The following XKR6 variants were observed in gnomAD, a reference collection of about 807,000 sequenced individuals.
XKR6 encodes the protein XK-related protein 6.
In XKR6, 22 loss-of-function variants were observed where a neutral mutation model predicts 56.7. The observed-to-expected ratio is 0.39, with a 90% CI of 0.28 to 0.55. The LOEUF (loss-of-function observed/expected upper bound fraction) is 0.55, where lower values mean the gene tolerates loss of function less well. XKR6 is among the 20% of genes least tolerant of loss of function. The probability of loss-of-function intolerance (pLI) is 0.66; values close to 1 mark genes in which losing one functional copy is unlikely to be tolerated. For missense variants in XKR6, 852 were observed against 889.0 expected (o/e 0.96, Z 0.53); for synonymous variants, 524 against 387.8 (o/e 1.35, Z -4.13).
chr8:11,115,432 T>G (rs1385364394), intron 1 of XKR6, among the ~76,000 whole-genome samples: 2 of 152,226 alleles, frequency 1.3e-5, no homozygotes, highest in African/African-American at 2.4e-5. Flanking sequence ...GCTAAAGTTA[T>G]ATTTAAAGAA....
intron 1 of XKR6, among the ~76,000 whole-genome samples, chr8:11,060,732 G>T (rs1437119811): frequency 6.6e-6 from 1 of 152,170 alleles, no homozygotes; most frequent in Non-Finnish European, 1.5e-5. Flanking sequence ...TGCTGAGTTT[G>T]GTGTTTCTCT....
chr8:11,089,097 C>T (rs1002196025), intron 1 of XKR6, among the ~76,000 whole-genome samples: 23 of 152,262 alleles, frequency 1.5e-4, no homozygotes, highest in African/African-American at 5.3e-4. Flanking sequence ...AAGCATAGGA[C>T]GTGACCTGGG....
chr8:11,087,335 T>A (rs1314633063), intron 1 of XKR6, among the ~76,000 whole-genome samples: 1 of 152,208 alleles, frequency 6.6e-6, no homozygotes, highest in Non-Finnish European at 1.5e-5. Flanking sequence ...ACCCTGATCC[T>A]GATTCCTTTC....
rs1274621292 is a variant in XKR6, at chr8:10,991,632, T to TA, written c.765-66803dup. ...TTCCAGGCGAAGTGTAACCCAGGTT[T>TA]AAGCAGGGTTTTCTGTGGACTTGAG... On this transcript the variant is annotated intron_variant, in intron 1 of 2. Coordinates refer to ENST00000416569, the MANE Select transcript of XKR6 (RefSeq NM_173683.4). Among the ~76,000 whole-genome samples the TA allele has an allele frequency of 3.9e-5, 6 of 152,346 alleles. No individual in the cohort carries two copies. In the East Asian group the frequency reaches 1.2e-3, roughly 29 times the overall value.
intron 1 of XKR6, among the ~76,000 whole-genome samples, chr8:11,019,367 C>T (rs1798697555): frequency 6.6e-6 from 1 of 152,240 alleles, no homozygotes; most frequent in Non-Finnish European, 1.5e-5. Flanking sequence ...CTGGTAAAGA[C>T]ACAAGAACAG....
intron 1 of XKR6, among the ~76,000 whole-genome samples, chr8:11,022,371 T>TA (rs1433121730): frequency 1.3e-5 from 2 of 152,094 alleles, no homozygotes; most frequent in Non-Finnish European, 2.9e-5. Flanking sequence ...CACAGGTACT[T>TA]ATGCTCTACC....
chr8:11,167,106 T>C (rs771057084), intron 1 of XKR6, among the ~76,000 whole-genome samples: 8 of 151,974 alleles, frequency 5.3e-5, no homozygotes, highest in Admixed American at 3.3e-4. Context: ...GTCGAAAAAA[T>C]GTCAGAGTAG....
chr8:11,133,035 C>T (rs1185578331), intron 1 of XKR6, among the ~76,000 whole-genome samples: 1 of 152,076 alleles, frequency 6.6e-6, no homozygotes, highest in Non-Finnish European at 1.5e-5. Flanking sequence ...ATTCATTTGA[C>T]ATCTAATGTT....
intron 1 of XKR6, among the ~76,000 whole-genome samples, chr8:11,166,469 G>A (rs1027276368): frequency 6.6e-6 from 1 of 151,950 alleles, no homozygotes; most frequent in Non-Finnish European, 1.5e-5. Flanking sequence ...GTCTATGGTG[G>A]GATTTTGTTA....
At chr8:11,062,880 C>T (rs1167610982) in intron 1 of XKR6, 1 of 455,746 alleles carries the variant, frequency 2.2e-6, no homozygotes, top group Non-Finnish European at 4.4e-6. Flanking sequence ...GTGGGTGTCC[C>T]TTCCAGACGT....
intron 2 of XKR6, among the ~76,000 whole-genome samples, chr8:10,912,077 A>G (rs1800394064): frequency 6.7e-6 from 1 of 150,152 alleles, no homozygotes; most frequent in African/African-American, 2.4e-5. Context: ...GTATACATAG[A>G]GAGGGTAAGT....
intron 1 of XKR6, among the ~76,000 whole-genome samples, chr8:11,067,794 G>A (rs939552838): frequency 1.1e-4 from 16 of 152,342 alleles, no homozygotes; most frequent in African/African-American, 3.1e-4. Flanking sequence ...AAGAGCAGGC[G>A]TTTCAGAGGT....
chr8:10,975,495 C>T (rs1429908136), intron 1 of XKR6, among the ~76,000 whole-genome samples: 4 of 152,376 alleles, frequency 2.6e-5, no homozygotes, highest in Admixed American at 6.5e-5. Flanking sequence ...GCGAGAGTTT[C>T]CATGCCCTCG....
intron 1 of XKR6, among the ~76,000 whole-genome samples, chr8:11,026,842 T>G (rs1798878869): frequency 6.6e-6 from 1 of 151,874 alleles, no homozygotes; most frequent in African/African-American, 2.4e-5. Flanking sequence ...CACACCTAGA[T>G]AGCCTAGCCT....
intron 1 of XKR6, among the ~76,000 whole-genome samples, chr8:10,950,492 A>G (rs1027441537): frequency 3.3e-5 from 5 of 152,280 alleles, no homozygotes; most frequent in African/African-American, 1.2e-4. Flanking sequence ...CCACATCAGC[A>G]TCTTGAGCCT....
intron 1 of XKR6, among the ~76,000 whole-genome samples, chr8:11,082,995 G>T (rs1797776102): frequency 6.6e-6 from 1 of 152,204 alleles, no homozygotes; most frequent in South Asian, 2.1e-4. Context: ...CACCTTCCCA[G>T]CCCTTTCTGC....
At chr8:11,004,153 C>T (rs950300832) in intron 1 of XKR6, among the ~76,000 whole-genome samples, 22 of 152,224 alleles carry the variant, frequency 1.4e-4, no homozygotes, top group African/African-American at 5.1e-4. Flanking sequence ...TGGGCTGGGG[C>T]AGTGAAATGC....
intron 2 of XKR6, among the ~76,000 whole-genome samples, chr8:10,915,141 A>G (rs955423198): frequency 2.0e-5 from 3 of 152,204 alleles, no homozygotes; most frequent in Non-Finnish European, 4.4e-5. Flanking sequence ...TAAAAGAGAA[A>G]ATATTTGCTT....
chr8:10,912,115 TAGAG>T (rs929326200), intron 2 of XKR6, among the ~76,000 whole-genome samples: 44 of 148,400 alleles, frequency 3.0e-4, no homozygotes, highest in African/African-American at 1.1e-3. Flanking sequence ...TGTATATATA[TAGAG>T]AGAGAGCGCT....
Sources: allele counts gnomAD v4.1 joint callset (sites outside exome capture counted in the v4.1 genomes callset), GRCh38; gene constraint gnomAD v4.1.1; transcripts MANE v1.5; gene names NCBI Gene and HGNC (gene_info 2026-07-23, HGNC 2026-07-21).